Variants in PDE10A observed in about 807,000 individuals in gnomAD.
PDE10A encodes cAMP and cAMP-inhibited cGMP 3',5'-cyclic phosphodiesterase 10A.
In PDE10A, 39 loss-of-function variants were observed where a neutral mutation model predicts 97.7. The ratio of observed to expected loss-of-function variants is 0.40; its 90% CI spans 0.31 to 0.52. The LOEUF (loss-of-function observed/expected upper bound fraction) is 0.52, where lower values mean the gene tolerates loss of function less well. Ranked by LOEUF, PDE10A falls within the 20% of genes least tolerant of loss-of-function variation. The pLI is 0.56. For synonymous variants in PDE10A, 371 were observed against 376.8 expected, an observed-to-expected ratio of 0.98 and a Z score of 0.18; for missense variants, 731 against 1,047.8, an observed-to-expected ratio of 0.70 and a Z score of 4.17.
intron 4 of PDE10A, among the ~76,000 whole-genome samples, chr6:165,449,934 T>C (rs1259627364): frequency 3.3e-5 from 5 of 152,172 alleles, no homozygotes; most frequent in Admixed American, 3.3e-4. Context: ...AATTAATATA[T>C]TTTATAAAGA....
chr6:165,561,210 C>A (rs1302368300), intron 1 of PDE10A, among the ~76,000 whole-genome samples: 1 of 149,814 alleles, frequency 6.7e-6, no homozygotes, highest in Non-Finnish European at 1.5e-5. Flanking sequence ...CAAGGCAAGA[C>A]TCCAACTCAA....
At chr6:165,409,438 T>G (rs220763) in intron 13 of PDE10A, 102,316 of 152,294 alleles carry the variant, frequency 0.67, 34,988 homozygotes, top group Middle Eastern at 0.83. Context: ...TCCCAGCTAC[T>G]GGGGAGCCTG....
intron 1 of PDE10A, among the ~76,000 whole-genome samples, chr6:165,924,483 G>A (rs999904642): frequency 6.6e-6 from 1 of 151,948 alleles, no homozygotes; most frequent in African/African-American, 2.4e-5. Flanking sequence ...ATCTCTCTCT[G>A]TGTGTACCAT....
chr6:165,670,382 A>G (rs1790614693), intron 1 of PDE10A, among the ~76,000 whole-genome samples: 1 of 152,242 alleles, frequency 6.6e-6, no homozygotes, highest in Admixed American at 6.5e-5. Flanking sequence ...TATCATAGTT[A>G]CCATTGAGCT....
chr6:165,634,884 C>A (rs1464345068), intron 1 of PDE10A, among the ~76,000 whole-genome samples: 1 of 152,208 alleles, frequency 6.6e-6, no homozygotes, highest in African/African-American at 2.4e-5. Flanking sequence ...AGAACCCATG[C>A]TTCACACTGG....
rs972282467 is a variant in PDE10A, at chr6:165,331,454, G to C, written c.*1571C>G. ...AATAAACCATGTTGTAGAAGCCTCTGATTTAATTTTGCACAAACCAGGCTC... is the reference window on the plus strand; with the variant it reads ...AATAAACCATGTTGTAGAAGCCTCTCATTTAATTTTGCACAAACCAGGCTC... On this transcript the variant is annotated 3_prime_UTR_variant, in exon 22 of 22. Transcript: ENST00000539869. The C allele has an allele frequency of 6.6e-6, 1 of 152,160 alleles. No individual in the cohort carries two copies. The highest frequency in any genetic ancestry group is 2.4e-5 in the African/African-American group (1 of 41,438). 9.4% of individuals were successfully genotyped at this position (152,160 alleles called of 1,614,324 possible). A position where few individuals can be genotyped will look rare whatever the true frequency, so the allele number is the denominator to read the frequency against.
intron 1 of PDE10A, among the ~76,000 whole-genome samples, chr6:165,694,320 G>A (rs1055338092): frequency 1.7e-4 from 26 of 152,194 alleles, no homozygotes; most frequent in Admixed American, 7.2e-4. Context: ...CCACAGGCAC[G>A]GGACCATGAG....
At chr6:165,672,821 C>T (rs9364809) in intron 1 of PDE10A, among the ~76,000 whole-genome samples, 75,034 of 152,138 alleles carry the variant, frequency 0.49, 19,276 homozygotes, top group East Asian at 0.82. Context: ...AACGGACTAA[C>T]ACAGATGGGT....
chr6:165,595,860 A>C (rs1786555792), intron 1 of PDE10A, among the ~76,000 whole-genome samples: 2 of 152,196 alleles, frequency 1.3e-5, no homozygotes, highest in South Asian at 4.1e-4. Context: ...TCAGGGGTAC[A>C]GCCCTCATGA....
intron 1 of PDE10A, among the ~76,000 whole-genome samples, chr6:165,758,633 G>A (rs1403128104): frequency 1.3e-5 from 2 of 151,188 alleles, no homozygotes; most frequent in Admixed American, 1.3e-4. Flanking sequence ...AGAGGAAGAA[G>A]AAGAGGAAGA....
chr6:165,730,425 TG>T (rs1340140602), intron 1 of PDE10A, among the ~76,000 whole-genome samples: 1 of 152,160 alleles, frequency 6.6e-6, no homozygotes, highest in Non-Finnish European at 1.5e-5. Flanking sequence ...AATCATAGCA[TG>T]CATACACAAA....
chr6:165,635,953 T>C (rs1308799384), intron 1 of PDE10A, among the ~76,000 whole-genome samples: 1 of 152,244 alleles, frequency 6.6e-6, no homozygotes, highest in Admixed American at 6.5e-5. Flanking sequence ...AAGAATAACA[T>C]TTAAAATAAC....
At chr6:165,548,659 T>C (rs1783858839) in intron 1 of PDE10A, among the ~76,000 whole-genome samples, 1 of 152,190 alleles carries the variant, frequency 6.6e-6, no homozygotes, top group South Asian at 2.1e-4. Context: ...GTCAGCAGCA[T>C]TAGTGGCTCT....
upstream of PDE10A, among the ~76,000 whole-genome samples, chr6:165,668,050 TC>T (rs1159171130): frequency 9.2e-5 from 14 of 152,262 alleles, no homozygotes; most frequent in Non-Finnish European, 1.8e-4. Context: ...ATCAACACTT[TC>T]ACCAAACTTT....
At chr6:165,683,067 C>T (rs1471716625) in intron 1 of PDE10A, among the ~76,000 whole-genome samples, 1 of 152,226 alleles carries the variant, frequency 6.6e-6, no homozygotes, top group African/African-American at 2.4e-5. Context: ...ACATTCAGCA[C>T]AGCTCCTAGC....
chr6:165,350,910 C>A lies in PDE10A; in HGVS notation c.2784-7408G>T, dbSNP rs118185535. Reference sequence around the variant, plus strand: ...GTTTTCTGAGGCCTCCCTAGCCATGCTAAACTGTGAGTAAATTAAACCTCT... The same window carrying A: ...GTTTTCTGAGGCCTCCCTAGCCATGATAAACTGTGAGTAAATTAAACCTCT... On this transcript the variant is annotated intron_variant, in intron 18 of 21. Coordinates refer to ENST00000539869, the MANE Select transcript of PDE10A (RefSeq NM_001385079.1). 1.1e-4 allele frequency among the ~76,000 whole-genome samples: 17 copies of A among 152,244 alleles called. No individual in the cohort carries two copies. In the South Asian group the frequency reaches 2.9e-3, roughly 26 times the overall value.
intron 1 of PDE10A, among the ~76,000 whole-genome samples, chr6:165,945,750 C>T (rs1783744412): frequency 6.6e-6 from 1 of 152,206 alleles, no homozygotes; most frequent in Non-Finnish European, 1.5e-5. Flanking sequence ...AGTAGCCTGA[C>T]TAGCCTAAGA....
chr6:165,375,614 A>G (rs1784561961), intron 18 of PDE10A, among the ~76,000 whole-genome samples: 2 of 152,200 alleles, frequency 1.3e-5, no homozygotes, highest in African/African-American at 4.8e-5. Flanking sequence ...CAACTAAATA[A>G]CAGATTTTCA....
intron 1 of PDE10A, among the ~76,000 whole-genome samples, chr6:165,605,706 A>C (rs62426703): frequency 2.0e-5 from 3 of 152,110 alleles, no homozygotes; most frequent in Non-Finnish European, 2.9e-5. Flanking sequence ...CTGTGGCTTC[A>C]AATGCTTCGG....
Sources: gnomAD v4.1 joint callset for allele counts (sites outside exome capture counted in the v4.1 genomes callset) on GRCh38, gnomAD v4.1.1 for gene constraint, MANE v1.5 for transcripts, NCBI Gene and HGNC (gene_info 2026-07-23, HGNC 2026-07-21) for gene names.